Variants in TBC1D31 observed in about 807,000 individuals in gnomAD.
TBC1D31 encodes WD repeat domain 67.
A neutral mutation model predicts 132.9 loss-of-function variants in TBC1D31; 99 were observed. The observed-to-expected ratio is 0.74, with a 90% CI of 0.63 to 0.88. The LOEUF (loss-of-function observed/expected upper bound fraction) is 0.88. TBC1D31 is among the 40% of genes least tolerant of loss of function. The pLI, the probability that TBC1D31 is intolerant of heterozygous loss-of-function variation, is 0.00. For missense variants in TBC1D31, 1,134 were observed against 1,256.6 expected, an observed-to-expected ratio of 0.90 and a Z score of 1.48; for synonymous variants, 385 against 419.4, an observed-to-expected ratio of 0.92 and a Z score of 1.00.
At chr8:123,090,570 C>A (rs1816220045) in intron 4 of TBC1D31, among the ~76,000 whole-genome samples, 1 of 152,158 alleles carries the variant, frequency 6.6e-6, no homozygotes, top group Non-Finnish European at 1.5e-5. Context: ...AGGACACTCA[C>A]TAAATACTAA....
At chr8:123,126,741 A>T (rs547928971) in intron 13 of TBC1D31, 54 bp downstream of exon 13, 14 of 1,370,762 alleles carry the variant, frequency 1.0e-5, no homozygotes, top group Non-Finnish European at 1.2e-5. Flanking sequence ...ATTTCTCTCT[A>T]TTTTTTTTTT....
At chr8:123,132,444 C>T (rs1820722037) in intron 16 of TBC1D31, among the ~76,000 whole-genome samples, 1 of 99,838 alleles carries the variant, frequency 1.0e-5, no homozygotes, top group Non-Finnish European at 1.8e-5. Context: ...GACAGGGTCT[C>T]ATTCTGTCAC....
At chr8:123,162,961 T>A in the TBC1D31 span, among the ~76,000 whole-genome samples, 6 of 151,972 alleles carry the variant, frequency 3.9e-5, no homozygotes, top group Non-Finnish European at 4.4e-5. Context: ...GCCTCCTGAG[T>A]AGCTGGGATT....
chr8:123,125,911 C>T (rs1031456329), intron 11 of TBC1D31, 145 bp from the exon 12 acceptor site: 25 of 590,870 alleles, frequency 4.2e-5, no homozygotes, highest in South Asian at 1.8e-4. Flanking sequence ...ATTTTAAAAT[C>T]GATTGTCATA....
At chr8:123,161,298 C>A in the TBC1D31 span, among the ~76,000 whole-genome samples, 2 of 152,242 alleles carry the variant, frequency 1.3e-5, no homozygotes, top group Non-Finnish European at 2.9e-5. Flanking sequence ...CACCTACCCC[C>A]GCGAAAACCT....
At chr8:123,077,638 C>T (rs2385161) in intron 2 of TBC1D31, among the ~76,000 whole-genome samples, 105,945 of 151,666 alleles carry the variant, frequency 0.7, 37,359 homozygotes, top group African/African-American at 0.78. Flanking sequence ...TTCCAGCTAC[C>T]GCACCCAGCC....
intron 10 of TBC1D31, among the ~76,000 whole-genome samples, chr8:123,116,646 A>C (rs1818939791): frequency 6.6e-6 from 1 of 152,092 alleles, no homozygotes; most frequent in Non-Finnish European, 1.5e-5. Flanking sequence ...GGTAACAGTG[A>C]GCGCACCTAC....
chr8:123,100,891 G>C lies in TBC1D31; in HGVS notation c.916G>C (p.Asp306His), dbSNP rs768230252. ...ACTTCTCTTTGAGATTGGGAGCCTC[G>C]ATGAAGGAATTAGCTCATCAGCAAT... is the stretch of plus-strand genomic sequence containing the variant. ...CKLLFEIGSL[D>H]EGISSSAISP... The change falls in exon 7 of 22, where the codon GAT (aspartate) becomes CAT (histidine). Residue 306 changes from aspartate (D) to histidine (H), a missense_variant. Coordinates refer to ENST00000287380, the MANE Select transcript of TBC1D31 (RefSeq NM_145647.4). The C allele has an allele frequency of 1.2e-6, 2 of 1,613,740 alleles. No homozygotes were observed. Among genetic ancestry groups the C allele is most frequent in the Admixed American group, 3.3e-5 (2 of 60,000 alleles).
intron 8 of TBC1D31, among the ~76,000 whole-genome samples, chr8:123,106,588 G>A (rs62521777): frequency 0.33 from 50,116 of 152,050 alleles, 8,571 homozygotes; most frequent in African/African-American, 0.42. Context: ...GGCATCCACT[G>A]GGGATCTTGG....
Position 123,126,708 on chromosome 8 carries a change from G to A in TBC1D31, c.1884+21G>A, listed in dbSNP as rs199743973. Reference sequence around the variant, plus strand: ...TTGAGGTAACGGTCCTTGTTCTTAAGAGAAGGTTCTCAAATATCAGTTATT... The same window carrying A: ...TTGAGGTAACGGTCCTTGTTCTTAAAAGAAGGTTCTCAAATATCAGTTATT... On this transcript the variant is annotated intron_variant, in intron 13 of 21. Coordinates refer to ENST00000287380, the MANE Select transcript of TBC1D31 (RefSeq NM_145647.4). 3.8e-5 allele frequency: 59 copies of A among 1,565,272 alleles called. 1 individual carries two copies. The African/African-American group carries it at 6.1e-4, about 16-fold the overall frequency.
chr8:123,075,702 C>T (rs1194960997), intron 1 of TBC1D31, among the ~76,000 whole-genome samples: 2 of 135,448 alleles, frequency 1.5e-5, no homozygotes, highest in Non-Finnish European at 3.2e-5. Flanking sequence ...GACTCCATCT[C>T]AAAAAAAAAA....
At chr8:123,147,677 C>CAGTCTTTTATAATGTGTAT (rs1822355212) in intron 20 of TBC1D31, among the ~76,000 whole-genome samples, 1 of 152,026 alleles carries the variant, frequency 6.6e-6, no homozygotes. Context: ...TGCTGAATTT[C>CAGTCTTTTATAATGTGTAT]ACCAATAGAG....
intron 10 of TBC1D31, among the ~76,000 whole-genome samples, chr8:123,115,816 T>C (rs1818859927): frequency 6.6e-6 from 1 of 152,202 alleles, no homozygotes; most frequent in Non-Finnish European, 1.5e-5. Flanking sequence ...TAAGGACCTA[T>C]GTGATTAGAT....
Position 123,129,099 on chromosome 8 carries a change from C to T in TBC1D31, c.2151C>T (p.Asp717=), listed in dbSNP as rs765882720. Residue 717 remains aspartate (D), a synonymous_variant, in exon 15 of 22, where the codon GAC becomes GAT. Coordinates refer to ENST00000287380, the MANE Select transcript of TBC1D31 (RefSeq NM_145647.4). ...QTVEDMQAKV[D]QQRVEDEAWY... is the part of the protein sequence containing the mutation. ...TTGAAGATATGCAAGCTAAAGTCGACCAGCAAAGAGTTGAAGATGAAGCTT... is the reference window on the plus strand; with the variant it reads ...TTGAAGATATGCAAGCTAAAGTCGATCAGCAAAGAGTTGAAGATGAAGCTT... The T allele has an allele frequency of 1.2e-6, 2 of 1,604,822 alleles. No homozygotes were observed. The highest frequency in any genetic ancestry group is 1.7e-6 in the Non-Finnish European group (2 of 1,174,090).
chr8:123,142,251 C>A lies in TBC1D31; in HGVS notation c.2641-11C>A, dbSNP rs1341308139. 6.4e-7 allele frequency: 1 copy of A among 1,556,960 alleles called. No individual in the cohort carries two copies. Among genetic ancestry groups the A allele is most frequent in the South Asian group, 1.2e-5 (1 of 81,058 alleles). On this transcript the variant is annotated splice_polypyrimidine_tract_variant and intron_variant, in intron 18 of 21. Transcript: ENST00000287380. ...TTGACCTTGTTTCTGAAATGTATAA[C>A]TTTTTCCTAGGTGATTAAAGAAAAT...
intron 7 of TBC1D31, chr8:123,101,217 C>T: frequency 2.2e-6 from 1 of 454,912 alleles, no homozygotes; most frequent in East Asian, 4.1e-5. Flanking sequence ...TCCTGAGGGA[C>T]ATCTCCGTTT....
intron 2 of TBC1D31, among the ~76,000 whole-genome samples, chr8:123,078,608 G>A (rs1814787986): frequency 1.3e-5 from 2 of 152,148 alleles, no homozygotes; most frequent in South Asian, 2.1e-4. Flanking sequence ...GCCAATTTCA[G>A]AATGCAGACA....
At chr8:123,102,581 G>A (rs185765713) in intron 7 of TBC1D31, 9 of 232,210 alleles carry the variant, frequency 3.9e-5, no homozygotes, top group Admixed American at 1.7e-4. Flanking sequence ...CTCATTATTT[G>A]TGCATTCTAT....
intron 6 of TBC1D31, 27 bp downstream of exon 6, chr8:123,097,468 T>C: frequency 6.2e-7 from 1 of 1,604,324 alleles, no homozygotes; most frequent in Non-Finnish European, 8.5e-7. Flanking sequence ...TAGGGCACTG[T>C]ACTTTTTGAG....
Sources: gnomAD v4.1 joint callset for allele counts (sites outside exome capture counted in the v4.1 genomes callset) on GRCh38, gnomAD v4.1.1 for gene constraint, MANE v1.5 for transcripts, NCBI Gene and HGNC (gene_info 2026-07-23, HGNC 2026-07-21) for gene names.